Variants in LRRTM4 observed in about 807,000 individuals in gnomAD.
LRRTM4 encodes leucine-rich repeat transmembrane neuronal protein 4.
A neutral mutation model predicts 47.6 loss-of-function variants in LRRTM4; 25 were observed. The observed-to-expected ratio is 0.53, with a 90% CI of 0.38 to 0.73. The LOEUF (loss-of-function observed/expected upper bound fraction) is 0.73, where lower values mean the gene tolerates loss of function less well. Among genes scored for constraint, LRRTM4 ranks in the 30% least tolerant of loss-of-function variants. The pLI, the probability that LRRTM4 is intolerant of heterozygous loss-of-function variation, is 0.00. For missense variants in LRRTM4, 638 were observed against 713.4 expected (o/e 0.89, Z 1.20); for synonymous variants, 311 against 269.5 (o/e 1.15, Z -1.51).
chr2:76,882,293 C>T (rs1403045720), intron 3 of LRRTM4, among the ~76,000 whole-genome samples: 1 of 151,752 alleles, frequency 6.6e-6, no homozygotes, highest in East Asian at 1.9e-4. Context: ...TAATATTTTA[C>T]TTAACTTTTA....
At chr2:77,283,023 T>C (rs1244767797) in intron 3 of LRRTM4, among the ~76,000 whole-genome samples, 1 of 151,808 alleles carries the variant, frequency 6.6e-6, no homozygotes, top group Non-Finnish European at 1.5e-5. Context: ...AAAGAAACTC[T>C]CAACAGAGTA....
chr2:77,360,529 TAC>T (rs1242542330), intron 3 of LRRTM4, among the ~76,000 whole-genome samples: 2 of 129,490 alleles, frequency 1.5e-5, no homozygotes, highest in Non-Finnish European at 3.4e-5. Flanking sequence ...TACGATACGA[TAC>T]GATACAATAC....
chr2:76,816,894 G>C (rs1229696214), intron 3 of LRRTM4, among the ~76,000 whole-genome samples: 4 of 126,752 alleles, frequency 3.2e-5, no homozygotes, highest in Non-Finnish European at 6.5e-5. Context: ...TCATATAAAA[G>C]CCAAATAAGA....
chr2:77,381,364 C>G (rs779426342), intron 3 of LRRTM4, among the ~76,000 whole-genome samples: 1 of 151,954 alleles, frequency 6.6e-6, no homozygotes, highest in Non-Finnish European at 1.5e-5. Context: ...CTTTAAATCT[C>G]TTGTATAGAT....
intron 3 of LRRTM4, among the ~76,000 whole-genome samples, chr2:77,481,875 T>C (rs1222461509): frequency 7.5e-5 from 7 of 92,774 alleles, no homozygotes; most frequent in Non-Finnish European, 1.5e-4. Flanking sequence ...AGGGTTTTTT[T>C]TTTTCTTTTT....
At chr2:76,780,896 T>G (rs1034690562) in intron 3 of LRRTM4, among the ~76,000 whole-genome samples, 4 of 151,490 alleles carry the variant, frequency 2.6e-5, no homozygotes. Flanking sequence ...GGTTTTTATC[T>G]ACTTTTGGTC....
intron 3 of LRRTM4, among the ~76,000 whole-genome samples, chr2:76,906,290 A>G (rs370083351): frequency 0.014 from 2,164 of 152,230 alleles, 67 homozygotes; most frequent in South Asian, 0.073. Context: ...ACAGACAAGC[A>G]AATGCTCAGA....
chr2:77,095,448 ACTCC>A (rs1670780110), intron 3 of LRRTM4, among the ~76,000 whole-genome samples: 1 of 151,804 alleles, frequency 6.6e-6, no homozygotes, highest in Admixed American at 6.6e-5. Flanking sequence ...AGATATCTGC[ACTCC>A]CATGTTCATG....
chr2:77,473,132 T>C (rs1309824834), intron 3 of LRRTM4, among the ~76,000 whole-genome samples: 1 of 152,096 alleles, frequency 6.6e-6, no homozygotes, highest in Non-Finnish European at 1.5e-5. Context: ...TAGGGGACAT[T>C]ATTATACATA....
rs891995539 is a variant in LRRTM4 at position 77,031,255 on chromosome 2, T to A, written c.1552-282339A>T. Among the ~76,000 whole-genome samples the A allele has an allele frequency of 2.6e-5, 4 of 152,332 alleles. No homozygotes were observed. In the South Asian group the frequency reaches 8.3e-4, roughly 32 times the overall value. On this transcript the variant is annotated intron_variant, in intron 3 of 3. Transcript: ENST00000409884. The stretch of plus-strand genomic sequence containing the variant: ...TTTGTGTAGCTAAGTGTACTATGCA[T>A]TAATTTTTCTTTTTTCATTAAGAAT...
intron 3 of LRRTM4, among the ~76,000 whole-genome samples, chr2:76,966,793 C>G (rs779555798): frequency 6.6e-6 from 1 of 151,456 alleles, no homozygotes; most frequent in Admixed American, 6.6e-5. Context: ...GTGGTTGACA[C>G]TGCCAATTAA....
intron 3 of LRRTM4, among the ~76,000 whole-genome samples, chr2:77,436,564 T>C (rs558627964): frequency 6.6e-6 from 1 of 152,042 alleles, no homozygotes; most frequent in Non-Finnish European, 1.5e-5. Flanking sequence ...TAATTTATTA[T>C]AGAATCCATT....
At chr2:77,341,385 C>T (rs973855747) in intron 3 of LRRTM4, among the ~76,000 whole-genome samples, 2 of 151,956 alleles carry the variant, frequency 1.3e-5, no homozygotes, top group African/African-American at 4.8e-5. Context: ...TCACTGTTCT[C>T]ATTTTCCTGG....
chr2:77,066,261 T>A (rs1427381261), intron 3 of LRRTM4, among the ~76,000 whole-genome samples: 1 of 152,174 alleles, frequency 6.6e-6, no homozygotes, highest in Non-Finnish European at 1.5e-5. Flanking sequence ...CAGTTCTTCA[T>A]CTATAAAACT....
chr2:76,968,584 C>G (rs1388662312), intron 3 of LRRTM4, among the ~76,000 whole-genome samples: 1 of 151,138 alleles, frequency 6.6e-6, no homozygotes, highest in Non-Finnish European at 1.5e-5. Context: ...TAATCCACTG[C>G]TCATTTTGCT....
At chr2:76,968,226 G>A (rs1411211443) in intron 3 of LRRTM4, among the ~76,000 whole-genome samples, 1 of 149,544 alleles carries the variant, frequency 6.7e-6, no homozygotes, top group Non-Finnish European at 1.5e-5. Context: ...TCAAATTAGT[G>A]TAAATTAAAA....
intron 3 of LRRTM4, among the ~76,000 whole-genome samples, chr2:77,338,727 G>A (rs773420460): frequency 1.3e-5 from 2 of 152,040 alleles, no homozygotes; most frequent in Admixed American, 6.6e-5. Flanking sequence ...ATTACCATTC[G>A]ACTCAGCAAT....
At chr2:76,756,745 C>T (rs1284243698) in intron 3 of LRRTM4, among the ~76,000 whole-genome samples, 1 of 151,992 alleles carries the variant, frequency 6.6e-6, no homozygotes, top group African/African-American at 2.4e-5. Context: ...CAAAAATCTC[C>T]CTCCCTAAAG....
chr2:77,114,067 A>G (rs1378927031), intron 3 of LRRTM4, among the ~76,000 whole-genome samples: 1 of 152,134 alleles, frequency 6.6e-6, no homozygotes, highest in African/African-American at 2.4e-5. Context: ...GGCTGATCAG[A>G]TAACGAAGGC....
Sources: gnomAD v4.1 joint callset for allele counts (sites outside exome capture counted in the v4.1 genomes callset) on GRCh38, gnomAD v4.1.1 for gene constraint, MANE v1.5 for transcripts, NCBI Gene and HGNC (gene_info 2026-07-23, HGNC 2026-07-21) for gene names.